The following GLRA2 variants were observed in gnomAD, a reference collection of about 807,000 sequenced individuals.
The protein encoded by GLRA2 is glycine receptor subunit alpha-2.
GLRA2 carries 11 observed loss-of-function variants against 31.6 expected under a neutral mutation model. The observed-to-expected ratio is 0.35, with a 90% confidence interval of 0.22 to 0.58. The LOEUF is 0.58. Among genes scored for constraint, GLRA2 ranks in the 20% least tolerant of loss-of-function variants. GLRA2 has a pLI of 0.84. For synonymous variants in GLRA2, 132 were observed against 134.0 expected (o/e 0.99, Z 0.10); for missense variants, 212 against 351.8 (o/e 0.60, Z 3.18).
chrX:14,585,515 T>TA (rs2090071215), intron 4 of GLRA2, among the ~76,000 whole-genome samples: 1 of 111,748 alleles, frequency 8.9e-6, no homozygotes, highest in African/African-American at 3.3e-5. Context: ...AATGCTAATA[T>TA]ATGCCCAGCT....
intron 7 of GLRA2, among the ~76,000 whole-genome samples, chrX:14,614,883 G>A (rs1054752759): frequency 2.7e-5 from 3 of 111,646 alleles, no homozygotes; most frequent in Admixed American, 1.9e-4. Context: ...GAATGCCACA[G>A]CACTGTCAAC....
chrX:14,653,988 G>T, intron 7 of GLRA2, among the ~76,000 whole-genome samples: 1 of 111,736 alleles, frequency 8.9e-6, no homozygotes, highest in East Asian at 2.8e-4. Context: ...AGCCAGGCAT[G>T]GTGGTGTGCC....
intron 7 of GLRA2, among the ~76,000 whole-genome samples, chrX:14,687,698 C>T: frequency 8.9e-6 from 1 of 111,841 alleles, no homozygotes. Context: ...TCTACTTAGC[C>T]ATTTATTTAA....
At chrX:14,546,599 ATTT>A (rs4014225) in intron 2 of GLRA2, among the ~76,000 whole-genome samples, 3 of 104,654 alleles carry the variant, frequency 2.9e-5, no homozygotes, top group Non-Finnish European at 3.9e-5. Context: ...CACACGTGGG[ATTT>A]TTTTTTTTTT....
the GLRA2 span, among the ~76,000 whole-genome samples, chrX:14,480,210 ATTTG>A: frequency 9.0e-6 from 1 of 111,373 alleles, no homozygotes; most frequent in African/African-American, 3.3e-5. Context: ...TAATGGGGTT[ATTTG>A]TTTTTTGTTT....
chrX:14,684,640 G>T (rs2091255167), intron 7 of GLRA2, among the ~76,000 whole-genome samples: 1 of 111,757 alleles, frequency 8.9e-6, no homozygotes, highest in African/African-American at 3.3e-5. Flanking sequence ...GTATAAGAAT[G>T]CTTGTGATTT....
chrX:14,615,022 A>G (rs2090440304), intron 7 of GLRA2, among the ~76,000 whole-genome samples: 1 of 112,210 alleles, frequency 8.9e-6, no homozygotes, highest in African/African-American at 3.2e-5. Context: ...TCTGGCATGT[A>G]TATGTGCAGC....
the GLRA2 span, among the ~76,000 whole-genome samples, chrX:14,496,290 G>C: frequency 9.0e-6 from 1 of 111,573 alleles, no homozygotes; most frequent in African/African-American, 3.3e-5. Flanking sequence ...CTTGTATCTT[G>C]AGTTCTTCTA....
the GLRA2 span, among the ~76,000 whole-genome samples, chrX:14,481,679 G>T: frequency 9.0e-6 from 1 of 111,276 alleles, no homozygotes; most frequent in East Asian, 2.8e-4. Flanking sequence ...TGTTTATCTG[G>T]AGTTTTCCTT....
intron 7 of GLRA2, among the ~76,000 whole-genome samples, chrX:14,611,794 A>C (rs2090400639): frequency 8.9e-6 from 1 of 111,755 alleles, no homozygotes; most frequent in African/African-American, 3.2e-5. Flanking sequence ...ATGACCAATA[A>C]ATTCTCATCG....
At chrX:14,546,131 A>G (rs2089476481) in intron 2 of GLRA2, among the ~76,000 whole-genome samples, 2 of 111,511 alleles carry the variant, frequency 1.8e-5, no homozygotes, top group Non-Finnish European at 3.8e-5. Context: ...TTACCATTTC[A>G]TTTCCTAGAA....
intron 4 of GLRA2, among the ~76,000 whole-genome samples, chrX:14,604,028 G>A (rs991992333): frequency 9.0e-6 from 1 of 110,779 alleles, no homozygotes; most frequent in Non-Finnish European, 1.9e-5. Flanking sequence ...GTTTATTCTA[G>A]TACAAAGCTG....
chrX:14,464,957 T>C, the GLRA2 span, among the ~76,000 whole-genome samples: 1 of 112,347 alleles, frequency 8.9e-6, no homozygotes, highest in Non-Finnish European at 1.9e-5. Context: ...TGTTCTTTTT[T>C]CCCAGAATTG....
At chrX:14,525,279 C>G (rs1193491635), upstream of GLRA2, among the ~76,000 whole-genome samples, 1 of 111,198 alleles carries the variant, frequency 9.0e-6, no homozygotes, top group Non-Finnish European at 1.9e-5. Flanking sequence ...ATACCTCAAC[C>G]AGTTACAGTT....
chrX:14,637,676 T>C (rs2090724872), intron 7 of GLRA2, among the ~76,000 whole-genome samples: 1 of 111,760 alleles, frequency 8.9e-6, no homozygotes, highest in South Asian at 3.7e-4. Flanking sequence ...ATTAATGTGT[T>C]TGATTACAGG....
chrX:14,623,356 G>A (rs1457143863), intron 7 of GLRA2, among the ~76,000 whole-genome samples: 1 of 111,153 alleles, frequency 9.0e-6, no homozygotes. Flanking sequence ...TCTCCTGCCT[G>A]ATTGCCCTAG....
intron 2 of GLRA2, among the ~76,000 whole-genome samples, chrX:14,543,124 G>A (rs2089427954): frequency 9.7e-6 from 1 of 103,513 alleles, no homozygotes; most frequent in African/African-American, 3.6e-5. Context: ...AATCCCACAA[G>A]AGAAAAAAAT....
intron 8 of GLRA2, among the ~76,000 whole-genome samples, chrX:14,695,615 G>T (rs748014940): frequency 3.6e-5 from 4 of 112,027 alleles, no homozygotes; most frequent in African/African-American, 6.5e-5. Context: ...AAGAAGTGGT[G>T]TAGTGGGTCT....
At chrX:14,700,285 TGGA>T (rs914250842) in intron 8 of GLRA2, among the ~76,000 whole-genome samples, 3 of 107,873 alleles carry the variant, frequency 2.8e-5, no homozygotes, top group Non-Finnish European at 5.8e-5. Context: ...AGAAGAGAAG[TGGA>T]GGAGAAAGGT....
Sources: gnomAD v4.1 joint callset for allele counts (sites outside exome capture counted in the v4.1 genomes callset) on GRCh38, gnomAD v4.1.1 for gene constraint, MANE v1.5 for transcripts, NCBI Gene and HGNC (gene_info 2026-07-23, HGNC 2026-07-21) for gene names.